NUFIP1: variants seen among roughly 807,000 people sequenced by gnomAD.
NUFIP1 encodes the protein nuclear FMR1 interacting protein 1, also known as FMR1-interacting protein NUFIP1.
A neutral mutation model predicts 56.2 loss-of-function variants in NUFIP1; 38 were observed. That is an observed-to-expected ratio of 0.68 (90% confidence interval 0.52 to 0.89). The LOEUF is 0.89. NUFIP1 is among the 40% of genes least tolerant of loss of function. The pLI is 0.00. For missense variants in NUFIP1, 567 were observed against 605.8 expected (o/e 0.94, Z 0.67); for synonymous variants, 215 against 212.4 (o/e 1.01, Z -0.10).
chr13:44,982,931 T>C (rs1872244949), intron 1 of NUFIP1, among the ~76,000 whole-genome samples: 1 of 152,108 alleles, frequency 6.6e-6, no homozygotes, highest in Admixed American at 6.5e-5. Context: ...TCACTTGAGT[T>C]CAGGAGTTTG....
intron 7 of NUFIP1, among the ~76,000 whole-genome samples, chr13:44,954,938 T>G (rs536787377): frequency 6.6e-6 from 1 of 152,340 alleles, no homozygotes; most frequent in Admixed American, 6.5e-5. Context: ...TTTCAACAAA[T>G]GACTAATAAG....
At chr13:44,959,685 T>C in intron 6 of NUFIP1, 111 bp from the exon 7 acceptor site, 1 of 822,838 alleles carries the variant, frequency 1.2e-6, no homozygotes, top group Non-Finnish European at 1.9e-6. Context: ...TGATCACTTG[T>C]AGCCTAGTAC....
intron 8 of NUFIP1, among the ~76,000 whole-genome samples, chr13:44,945,502 C>T (rs1870876776): frequency 6.6e-6 from 1 of 151,956 alleles, no homozygotes; most frequent in Non-Finnish European, 1.5e-5. Flanking sequence ...CCTACTCATA[C>T]CAAATCTCTT....
rs1295081580 is a variant in NUFIP1, at chr13:44,989,361, G to A, written c.76C>T (p.Pro26Ser). 6.2e-7 allele frequency: 1 copy of A among 1,613,294 alleles called. No homozygotes were observed. Residue 26 changes from proline (P) to serine (S), a missense_variant, in exon 1 of 10, where the codon CCC (proline) becomes TCC (serine). Pro to Ser is a moderately conservative substitution (Grantham distance 74). Transcript: ENST00000379161. ...ASPELTPTLG[P>S]LSDTAPPRDS... ...CGCGGCGGGGCAGTGTCGCTCAGGG[G>A]CCCTAACGTGGGAGTCAGCTCGGGA...
chr13:44,942,150 T>C (rs991540521), intron 9 of NUFIP1, among the ~76,000 whole-genome samples: 1 of 152,190 alleles, frequency 6.6e-6, no homozygotes, highest in Non-Finnish European at 1.5e-5. Flanking sequence ...AGTCTAGAAA[T>C]TGGTAAGTAC....
chr13:44,984,288 T>C (rs1872304637), intron 1 of NUFIP1, among the ~76,000 whole-genome samples: 1 of 152,238 alleles, frequency 6.6e-6, no homozygotes, highest in South Asian at 2.1e-4. Flanking sequence ...TTCATACTTA[T>C]AACATATCTC....
At chr13:44,942,322 AG>A (rs1184994568) in intron 9 of NUFIP1, among the ~76,000 whole-genome samples, 1 of 152,234 alleles carries the variant, frequency 6.6e-6, no homozygotes, top group Non-Finnish European at 1.5e-5. Context: ...TTTGCCAAAA[AG>A]GAATTTATTT....
Position 44,940,154 on chromosome 13 carries a change from A to C in NUFIP1, c.*1052T>G, listed in dbSNP as rs1341867095. ...TAATGTATAAGGCAGATAATTTCCC[A>C]AAATATGGGGCTCACTGGAGGAGTA... On this transcript the variant is annotated 3_prime_UTR_variant, in exon 10 of 10. Transcript: ENST00000379161. 2 of 152,230 alleles carry C rather than the reference A, an allele frequency of 1.3e-5. No homozygotes were observed. Among genetic ancestry groups the C allele is most frequent in the East Asian group, 3.8e-4 (2 of 5,202 alleles). The allele number at this position is 152,230 out of a possible 1,614,324, so 9.4% of individuals were successfully genotyped here.
intron 4 of NUFIP1, among the ~76,000 whole-genome samples, chr13:44,979,592 G>A (rs371035237): frequency 1.2e-3 from 190 of 152,226 alleles, no homozygotes; most frequent in African/African-American, 4.2e-3. Context: ...ATGAGTAGAC[G>A]TGACAATCTG....
intron 8 of NUFIP1, among the ~76,000 whole-genome samples, chr13:44,944,289 C>T (rs1049574977): frequency 2.0e-5 from 3 of 152,078 alleles, no homozygotes; most frequent in African/African-American, 7.2e-5. Flanking sequence ...ATATACCAAT[C>T]ACATGAACGC....
At chr13:44,948,712 C>T (rs1479169601) in intron 8 of NUFIP1, among the ~76,000 whole-genome samples, 1 of 152,188 alleles carries the variant, frequency 6.6e-6, no homozygotes, top group Non-Finnish European at 1.5e-5. Flanking sequence ...CAAGAGCCTA[C>T]TCATGGCTCT....
At chr13:44,945,182 AGAG>A (rs1339498548) in intron 8 of NUFIP1, among the ~76,000 whole-genome samples, 4 of 151,992 alleles carry the variant, frequency 2.6e-5, no homozygotes, top group Admixed American at 6.5e-5. Flanking sequence ...GAGAAATAAA[AGAG>A]GAGGACATCA....
At chr13:44,971,887 T>C (rs1871816924) in intron 5 of NUFIP1, among the ~76,000 whole-genome samples, 1 of 150,708 alleles carries the variant, frequency 6.6e-6, no homozygotes, top group African/African-American at 2.4e-5. Flanking sequence ...GGTACTGTCA[T>C]GCAGCAACAG....
chr13:44,979,394 T>C, intron 4 of NUFIP1, 128 bp from the exon 5 acceptor site: 1 of 644,708 alleles, frequency 1.6e-6, no homozygotes, highest in Non-Finnish European at 2.6e-6. Context: ...AGGTTGTATC[T>C]ATTTGTGTTA....
Position 44,965,922 on chromosome 13 carries a change from A to T in NUFIP1, c.749T>A (p.Leu250Gln), listed in dbSNP as rs1871583691. Residue 250 changes from leucine to glutamine, a missense_variant, in exon 6 of 10, where the codon CTG (leucine) becomes CAG (glutamine). By Grantham distance (113) the Leu-to-Gln change is moderately radical. Transcript: ENST00000379161. ...REERRKNYPTLANIERKKKLK... is the reference protein window; with the variant it reads ...REERRKNYPTQANIERKKKLK... ...CTTCTTCTTCCTTTCAATATTGGCC[A>T]GAGTTGGATAGTTTCTAGAAAATAA... The T allele has an allele frequency of 1.9e-6, 3 of 1,571,300 alleles. No individual in the cohort carries two copies. The African/African-American group carries it at 4.1e-5, about 22-fold the overall frequency.
At chr13:44,983,489 TAA>T (rs1157611321) in intron 1 of NUFIP1, among the ~76,000 whole-genome samples, 9 of 112,064 alleles carry the variant, frequency 8.0e-5, no homozygotes, top group African/African-American at 9.8e-5. Flanking sequence ...CCGTCTCAAA[TAA>T]AAAAAAAAAA....
In NUFIP1 at chr13:44,987,751, G is replaced by C. The variant is rs374201769; in HGVS notation, c.412+1274C>G. Among the ~76,000 whole-genome samples the C allele has an allele frequency of 5.8e-4, 88 of 152,244 alleles. No individual in the cohort carries two copies. In the South Asian group the frequency reaches 0.017, roughly 30 times the overall value. Reference sequence around the variant, plus strand: ...CTTGTTTAGAAAAGTAACTACAATAGCTTCCTAACCGGTTTCCCTTTCAGT... The same window carrying C: ...CTTGTTTAGAAAAGTAACTACAATACCTTCCTAACCGGTTTCCCTTTCAGT... On this transcript the variant is annotated intron_variant, in intron 1 of 9. Transcript: ENST00000379161.
At chr13:44,964,728 G>A (rs776835107) in intron 6 of NUFIP1, among the ~76,000 whole-genome samples, 5 of 152,100 alleles carry the variant, frequency 3.3e-5, no homozygotes, top group South Asian at 2.1e-4. Flanking sequence ...GGAAAAAAAC[G>A]ACCCAAAAGG....
At chr13:44,979,760 G>T (rs1872119470) in intron 4 of NUFIP1, 130 bp downstream of exon 4, 4 of 580,036 alleles carry the variant, frequency 6.9e-6, no homozygotes, top group Non-Finnish European at 1.2e-5. Flanking sequence ...TTGAATAAAT[G>T]ATGTCAAAAT....
Sources: gnomAD v4.1 joint callset for allele counts (sites outside exome capture counted in the v4.1 genomes callset) on GRCh38, gnomAD v4.1.1 for gene constraint, MANE v1.5 for transcripts, NCBI Gene and HGNC (gene_info 2026-07-23, HGNC 2026-07-21) for gene names.